The following RAPGEF4 variants were observed in gnomAD, a reference collection of about 807,000 sequenced individuals.
The protein encoded by RAPGEF4 is RAP guanine-nucleotide-exchange factor (GEF) 4.
Under a neutral mutation model 147.9 loss-of-function variants are expected in RAPGEF4, and 66 were observed. The ratio of observed to expected loss-of-function variants is 0.45; its 90% confidence interval spans 0.37 to 0.55. The LOEUF (loss-of-function observed/expected upper bound fraction) is 0.55, where lower values mean the gene tolerates loss of function less well. Ranked by LOEUF, RAPGEF4 falls within the 20% of genes least tolerant of loss-of-function variation. The pLI is 0.00. For missense variants in RAPGEF4, 1,071 were observed against 1,257.3 expected, an observed-to-expected ratio of 0.85 and a Z score of 2.24; for synonymous variants, 419 against 442.7, an observed-to-expected ratio of 0.95 and a Z score of 0.67.
chr2:172,941,366 G>A (rs1687132071), intron 6 of RAPGEF4, among the ~76,000 whole-genome samples: 1 of 152,092 alleles, frequency 6.6e-6, no homozygotes, highest in African/African-American at 2.4e-5. Context: ...TAATTCTGGT[G>A]CAGCGTCATT....
intron 4 of RAPGEF4, among the ~76,000 whole-genome samples, chr2:172,873,866 C>G (rs1404231762): frequency 1.3e-5 from 2 of 152,162 alleles, no homozygotes; most frequent in Non-Finnish European, 2.9e-5. Flanking sequence ...AAACAAACAA[C>G]CTAATCAAAA....
chr2:172,795,042 G>C lies in RAPGEF4; in HGVS notation c.83G>C (p.Ser28Thr). 6.2e-7 allele frequency: 1 copy of C among 1,614,052 alleles called. No individual in the cohort carries two copies. The highest frequency in any genetic ancestry group is 8.5e-7 in the Non-Finnish European group (1 of 1,179,962). ...CLDKRPLERS[S>T]EDVDIIFTRL... The stretch of plus-strand genomic sequence containing the variant: ...CTATACAGACCACTGGAGCGATCCA[G>C]CGAAGATGTGGATATAATCTTCACT... Residue 28 changes from serine (S) to threonine (T), a missense_variant, in exon 2 of 31, where the codon AGC becomes ACC. Transcript: ENST00000397081.
chr2:172,810,856 G>A (rs374817547), intron 3 of RAPGEF4, among the ~76,000 whole-genome samples: 4 of 152,168 alleles, frequency 2.6e-5, no homozygotes. Flanking sequence ...TAGGACCCAC[G>A]GCCATCTTGG....
chr2:172,760,022 A>C (rs1382098561), intron 1 of RAPGEF4, among the ~76,000 whole-genome samples: 1 of 152,242 alleles, frequency 6.6e-6, no homozygotes, highest in African/African-American at 2.4e-5. Context: ...AGCTACCCAG[A>C]AACACCAATG....
chr2:172,782,131 A>G (rs1166659341), intron 1 of RAPGEF4, among the ~76,000 whole-genome samples: 1 of 152,222 alleles, frequency 6.6e-6, no homozygotes, highest in East Asian at 1.9e-4. Flanking sequence ...AAGATATACA[A>G]ATAACTAATA....
intron 5 of RAPGEF4, among the ~76,000 whole-genome samples, chr2:172,919,550 A>C (rs1026882839): frequency 4.6e-5 from 7 of 151,808 alleles, no homozygotes; most frequent in African/African-American, 1.7e-4. Context: ...CTTATGGAAG[A>C]GTTTAGCCAT....
intron 4 of RAPGEF4, among the ~76,000 whole-genome samples, chr2:172,838,426 G>A (rs1037128706): frequency 6.6e-6 from 1 of 152,088 alleles, no homozygotes; most frequent in Non-Finnish European, 1.5e-5. Context: ...GATTAACTTA[G>A]AGAAAATGAA....
intron 12 of RAPGEF4, 22 bp from the exon 13 acceptor site, chr2:172,988,174 C>A: frequency 1.9e-6 from 3 of 1,587,200 alleles, no homozygotes; most frequent in East Asian, 4.5e-5. Flanking sequence ...TATCATAAGT[C>A]TTTTCATCTT....
rs1691443434 is a variant in RAPGEF4, at chr2:172,840,361, C to A, written c.444+25936C>A. On this transcript the variant is annotated intron_variant, in intron 4 of 30. Coordinates refer to ENST00000397081, the MANE Select transcript of RAPGEF4 (RefSeq NM_007023.4). Reference sequence around the variant, plus strand: ...GAAGAAGGAGTGAGCCCTGACCCAACAGGACAGATTAGCCAGATCAACCTG... The same window carrying A: ...GAAGAAGGAGTGAGCCCTGACCCAAAAGGACAGATTAGCCAGATCAACCTG... Among the ~76,000 whole-genome samples the A allele has an allele frequency of 2.0e-5, 3 of 152,206 alleles. No individual in the cohort carries two copies. In the South Asian group the frequency reaches 6.2e-4, roughly 32 times the overall value.
intron 4 of RAPGEF4, among the ~76,000 whole-genome samples, chr2:172,861,628 A>C (rs1384235565): frequency 6.6e-6 from 1 of 152,238 alleles, no homozygotes; most frequent in South Asian, 2.1e-4. Flanking sequence ...TATGTCTTCC[A>C]TCTTGTCCTA....
intron 1 of RAPGEF4, among the ~76,000 whole-genome samples, chr2:172,791,431 C>A (rs1190230702): frequency 6.6e-6 from 1 of 152,174 alleles, no homozygotes; most frequent in Non-Finnish European, 1.5e-5. Flanking sequence ...CAGACATGAA[C>A]TCTAGAGAGG....
chr2:172,969,039 G>T (rs1264142471), intron 10 of RAPGEF4, among the ~76,000 whole-genome samples: 1 of 152,206 alleles, frequency 6.6e-6, no homozygotes, highest in Non-Finnish European at 1.5e-5. Context: ...AGCACAGGAG[G>T]GGGCCCACTG....
At chr2:172,950,791 A>G (rs999356365) in intron 6 of RAPGEF4, among the ~76,000 whole-genome samples, 1 of 152,276 alleles carries the variant, frequency 6.6e-6, no homozygotes, top group African/African-American at 2.4e-5. Context: ...TGGAAAACAT[A>G]TTGGCTTATT....
At chr2:173,034,086 G>T (rs1683588959) in intron 27 of RAPGEF4, 122 bp downstream of exon 27, 1 of 916,678 alleles carries the variant, frequency 1.1e-6, no homozygotes, top group Non-Finnish European at 1.6e-6. Flanking sequence ...AGAAGTTTAT[G>T]ATCCCTTTTA....
At position 173,017,155 on chromosome 2, in the gene RAPGEF4, C is replaced by T. The variant is rs181418330; in HGVS notation, c.1899-19C>T. On this transcript the variant is annotated intron_variant, in intron 19 of 30. Coordinates refer to ENST00000397081, the MANE Select transcript of RAPGEF4 (RefSeq NM_007023.4). The stretch of plus-strand genomic sequence containing the variant: ...AGTAGCAATGGTATTAAATAATGTG[C>T]TTTCTCTACTTCTCGTAGCTCAGAA... 5.0e-4 allele frequency: 807 copies of T among 1,610,652 alleles called. 5 individuals are homozygous for T. The highest frequency in any genetic ancestry group is 6.3e-5 in the Non-Finnish European group (74 of 1,176,890).
intron 18 of RAPGEF4, among the ~76,000 whole-genome samples, chr2:173,015,910 G>T (rs534883146): frequency 2.2e-4 from 33 of 152,038 alleles, no homozygotes; most frequent in Non-Finnish European, 4.0e-4. Flanking sequence ...AAATTCCCCT[G>T]AGAAAAATGA....
chr2:172,827,229 C>T (rs184657578), intron 4 of RAPGEF4, among the ~76,000 whole-genome samples: 50 of 152,266 alleles, frequency 3.3e-4, no homozygotes, highest in African/African-American at 1.1e-3. Flanking sequence ...AGCTGAGTCC[C>T]GGCTCTGTTA....
At chr2:173,032,176 C>T (rs747470962) in intron 26 of RAPGEF4, among the ~76,000 whole-genome samples, 65 of 152,312 alleles carry the variant, frequency 4.3e-4, no homozygotes, top group Non-Finnish European at 6.5e-4. Flanking sequence ...ACATCTGGAG[C>T]AGAACAGTTC....
chr2:172,797,475 TA>T, intron 2 of RAPGEF4, 49 bp from the exon 3 acceptor site: 1 of 1,496,572 alleles, frequency 6.7e-7, no homozygotes, highest in Non-Finnish European at 9.2e-7. Flanking sequence ...GATCATATAG[TA>T]AAACCAAGTT....
Sources: gnomAD v4.1 joint callset for allele counts (sites outside exome capture counted in the v4.1 genomes callset) on GRCh38, gnomAD v4.1.1 for gene constraint, MANE v1.5 for transcripts, NCBI Gene and HGNC (gene_info 2026-07-23, HGNC 2026-07-21) for gene names.